Variants in DENND1B observed in about 807,000 individuals in gnomAD.
The protein encoded by DENND1B is DENN domain-containing protein 1B.
DENND1B carries 59 observed loss-of-function variants against 90.1 expected under a neutral mutation model. The ratio of observed to expected loss-of-function variants is 0.65; its 90% CI spans 0.53 to 0.81. The LOEUF is 0.81. DENND1B is among the 40% of genes least tolerant of loss of function. DENND1B has a pLI of 0.00. For missense variants in DENND1B, 862 were observed against 912.6 expected, an observed-to-expected ratio of 0.94 and a Z score of 0.71; for synonymous variants, 337 against 324.6, an observed-to-expected ratio of 1.04 and a Z score of -0.41.
chr1:197,770,616 C>T (rs1425382884), intron 2 of DENND1B, among the ~76,000 whole-genome samples: 2 of 134,046 alleles, frequency 1.5e-5, no homozygotes, highest in Non-Finnish European at 3.1e-5. Flanking sequence ...GTATATATAT[C>T]TATAAATATA....
intron 2 of DENND1B, among the ~76,000 whole-genome samples, chr1:197,763,180 A>G (rs1024491657): frequency 1.3e-5 from 2 of 152,156 alleles, no homozygotes; most frequent in African/African-American, 4.8e-5. Flanking sequence ...ACATGGTGAC[A>G]TACGCCTGTA....
chr1:197,761,809 T>C (rs1461470721), intron 2 of DENND1B: 1 of 151,678 alleles, frequency 6.6e-6, no homozygotes, highest in Non-Finnish European at 1.5e-5. Flanking sequence ...CAGATTCGAG[T>C]GATAATTAAG....
intron 15 of DENND1B, among the ~76,000 whole-genome samples, chr1:197,561,557 C>T (rs1367310308): frequency 6.6e-6 from 1 of 151,838 alleles, no homozygotes; most frequent in Non-Finnish European, 1.5e-5. Flanking sequence ...TACCTACATG[C>T]TGATGACTCC....
intron 14 of DENND1B, among the ~76,000 whole-genome samples, chr1:197,583,485 C>T (rs906716271): frequency 3.3e-5 from 5 of 152,044 alleles, no homozygotes; most frequent in African/African-American, 1.2e-4. Flanking sequence ...AATTTTACTC[C>T]CTCAAGTAAA....
rs78494700 is a variant in DENND1B, at chr1:197,505,108, T to G, written c.*5352A>C. ...GTGGCTTTTACATAAAAAAGCTTTA[T>G]GCATTTATGTTGTAGGACTCAGGCA... On this transcript the variant is annotated 3_prime_UTR_variant, in exon 23 of 23. Transcript: ENST00000620048. The G allele has an allele frequency of 2.0e-5, 3 of 151,814 alleles. No individual in the cohort carries two copies. Among genetic ancestry groups the G allele is most frequent in the African/African-American group, 4.8e-5 (2 of 41,404 alleles). 9.4% of individuals were successfully genotyped at this position (151,814 alleles called of 1,614,324 possible). A position where few individuals can be genotyped will look rare whatever the true frequency, so the allele number is the denominator to read the frequency against.
intron 20 of DENND1B, among the ~76,000 whole-genome samples, chr1:197,523,626 G>GTACC (rs1270506561): frequency 6.6e-6 from 1 of 152,130 alleles, no homozygotes; most frequent in Non-Finnish European, 1.5e-5. Flanking sequence ...AAGCTTTCCA[G>GTACC]TACCTTCTTT....
In DENND1B at chr1:197,746,484, CAAAT is replaced by C. The variant is rs540114312; in HGVS notation, c.82+26380_82+26383del. On this transcript the variant is annotated intron_variant, in intron 2 of 22. Coordinates refer to ENST00000620048, the MANE Select transcript of DENND1B (RefSeq NM_001195215.2). ...ACTGATTTTATACCATGGGTCTATA[CAAAT>C]AAATAAACAAAATTCTATCCTATTT... Among the ~76,000 whole-genome samples, 578 of 152,266 alleles carry C rather than the reference CAAAT, an allele frequency of 3.8e-3. 1 individual carries two copies. The highest frequency in any genetic ancestry group is 6.0e-3 in the Non-Finnish European group (409 of 68,014).
intron 10 of DENND1B, among the ~76,000 whole-genome samples, chr1:197,618,565 A>G (rs1677870425): frequency 1.3e-5 from 2 of 151,184 alleles, no homozygotes; most frequent in Non-Finnish European, 3.0e-5. Context: ...TAACAAAAGG[A>G]TATCACTTTT....
chr1:197,690,586 G>A (rs1048179768), intron 3 of DENND1B: 2 of 241,450 alleles, frequency 8.3e-6, no homozygotes, highest in African/African-American at 4.6e-5. Flanking sequence ...AGGGCTGCTA[G>A]AGTTGGGAAG....
In DENND1B at chr1:197,641,605, G is replaced by A. The variant is rs982946136; in HGVS notation, c.672+1106C>T. ...TCAAAATCGTATTTTTGAGATTTTC[G>A]TGAATTATAAATTCATACAAATTAT... On this transcript the variant is annotated intron_variant, in intron 10 of 22. Coordinates refer to ENST00000620048, the MANE Select transcript of DENND1B (RefSeq NM_001195215.2). Among the ~76,000 whole-genome samples, 6 of 151,764 alleles carry A rather than the reference G, an allele frequency of 4.0e-5. No individual in the cohort carries two copies. In the South Asian group the frequency reaches 8.3e-4, roughly 21 times the overall value.
intron 16 of DENND1B, among the ~76,000 whole-genome samples, chr1:197,549,468 G>C (rs1276807739): frequency 2.6e-5 from 4 of 152,230 alleles, no homozygotes; most frequent in South Asian, 4.1e-4. Context: ...TAGTGATAGA[G>C]AGTAACCACA....
intron 3 of DENND1B, 30 bp from the exon 4 acceptor site, chr1:197,674,199 TAA>T (rs775504491): frequency 5.3e-6 from 8 of 1,509,198 alleles, no homozygotes; most frequent in Non-Finnish European, 7.2e-6. Context: ...AAAAAAGAAA[TAA>T]GTTTTAGAAT....
chr1:197,596,366 CA>C (rs780943335), intron 13 of DENND1B, among the ~76,000 whole-genome samples: 1 of 151,896 alleles, frequency 6.6e-6, no homozygotes, highest in East Asian at 1.9e-4. Flanking sequence ...CAATTCCTTT[CA>C]CACAAAATAG....
rs558598069 is a variant in DENND1B, at chr1:197,721,236, A to AT, written c.83-6163dup. On this transcript the variant is annotated intron_variant, in intron 2 of 22. Coordinates refer to ENST00000620048, the MANE Select transcript of DENND1B (RefSeq NM_001195215.2). ...AGGCACCCACCACCACACCCAGCTA[A>AT]TTTTTTTTTATTTTTAGTAGAGACA... Among the ~76,000 whole-genome samples, 886 of 150,984 alleles carry AT rather than the reference A, an allele frequency of 5.9e-3. 3 individuals are homozygous for AT. The highest frequency in any genetic ancestry group is 0.014 in the Middle Eastern group (4 of 292).
In DENND1B at chr1:197,553,010, A is replaced by G. The variant is rs2125685297; in HGVS notation, c.1240+12T>C. On this transcript the variant is annotated intron_variant, in intron 16 of 22. Transcript: ENST00000620048. ...TGAGAAAATGGATAATCATATTGTA[A>G]CTTGTCTTTACCTCCACAAAAGCCA... 6.4e-7 allele frequency: 1 copy of G among 1,573,070 alleles called. No individual in the cohort carries two copies. Among genetic ancestry groups the G allele is most frequent in the East Asian group, 2.3e-5 (1 of 42,870 alleles).
intron 2 of DENND1B, among the ~76,000 whole-genome samples, chr1:197,771,559 C>A (rs1211432445): frequency 6.6e-6 from 1 of 152,124 alleles, no homozygotes; most frequent in Non-Finnish European, 1.5e-5. Flanking sequence ...AGTAGTAGGG[C>A]TGGTGGAGCC....
At chr1:197,570,260 A>T (rs1418217245) in intron 15 of DENND1B, among the ~76,000 whole-genome samples, 1 of 151,922 alleles carries the variant, frequency 6.6e-6, no homozygotes, top group Non-Finnish European at 1.5e-5. Flanking sequence ...ACCAGGCTAT[A>T]CCATGGTTAC....
intron 15 of DENND1B, among the ~76,000 whole-genome samples, chr1:197,578,217 A>G (rs1336107253): frequency 6.6e-6 from 1 of 151,392 alleles, no homozygotes; most frequent in Non-Finnish European, 1.5e-5. Flanking sequence ...AATTGCTAAA[A>G]GAGTAGGGTT....
chr1:197,550,954 A>G (rs370213130), intron 16 of DENND1B, among the ~76,000 whole-genome samples: 2 of 152,174 alleles, frequency 1.3e-5, no homozygotes, highest in South Asian at 4.1e-4. Flanking sequence ...GATAAACAAC[A>G]AAGTTAGATC....
Sources: allele counts gnomAD v4.1 joint callset (sites outside exome capture counted in the v4.1 genomes callset), GRCh38; gene constraint gnomAD v4.1.1; transcripts MANE v1.5; gene names NCBI Gene and HGNC (gene_info 2026-07-23, HGNC 2026-07-21).